The following PLOD1 variants were observed in gnomAD, a reference collection of about 807,000 sequenced individuals.
PLOD1 encodes lysine hydroxylase.
In PLOD1, 70 loss-of-function variants were observed where a neutral mutation model predicts 94.7. The observed-to-expected ratio is 0.74, with a 90% CI of 0.61 to 0.90. The LOEUF is 0.90. Among genes scored for constraint, PLOD1 ranks in the 40% least tolerant of loss-of-function variants. The pLI is 0.00. For synonymous variants in PLOD1, 417 were observed against 400.2 expected (o/e 1.04, Z -0.50); for missense variants, 905 against 972.7 (o/e 0.93, Z 0.93).
In PLOD1 at chr1:11,966,293, C is replaced by T; in HGVS notation, c.1627C>T (p.Leu543=). ...CATCCACCAGAACTACACCAAAGCC[C>T]TGGCAGGGAAGCTGGTGGAGACGGT... ...KYIHQNYTKA[L]AGKLVETPCP... is the part of the protein sequence containing the mutation. The change falls in exon 15 of 19, where the codon CTG becomes TTG. Residue 543 remains leucine (L), a synonymous_variant. Coordinates refer to ENST00000196061, the MANE Select transcript of PLOD1 (RefSeq NM_000302.4). 1 of 1,608,098 alleles carries T rather than the reference C, an allele frequency of 6.2e-7. No homozygotes were observed. The highest frequency in any genetic ancestry group is 8.5e-7 in the Non-Finnish European group (1 of 1,177,328).
At chr1:11,942,942 T>TGGCCC in intron 1 of PLOD1, among the ~76,000 whole-genome samples, 1 of 152,274 alleles carries the variant, frequency 6.6e-6, no homozygotes, top group Middle Eastern at 3.4e-3. Flanking sequence ...AGGCTCTGCG[T>TGGCCC]GGCCCAAGGA....
intron 4 of PLOD1, among the ~76,000 whole-genome samples, chr1:11,950,986 G>T (rs995596212): frequency 4.6e-5 from 7 of 152,048 alleles, no homozygotes; most frequent in African/African-American, 1.7e-4. Flanking sequence ...TAGAGATGGG[G>T]TATCGCCATG....
At position 11,969,921 on chromosome 1, in the gene PLOD1, AC is replaced by A. The variant is rs568398683; in HGVS notation, c.1756-748del. Reference sequence around the variant, plus strand: ...CAGGGGTTTAAGACCAGCCTGGGCAACATAGTGAGACCTCATCTCTACAAAG... The same window carrying A: ...CAGGGGTTTAAGACCAGCCTGGGCAAATAGTGAGACCTCATCTCTACAAAG... On this transcript the variant is annotated intron_variant, in intron 16 of 18. Transcript: ENST00000196061. 3.0e-3 allele frequency among the ~76,000 whole-genome samples: 453 copies of A among 151,870 alleles called. 3 individuals carry two copies. The highest frequency in any genetic ancestry group is 0.011 in the African/African-American group (435 of 41,396).
chr1:11,967,240 T>C (rs929609805), intron 16 of PLOD1, 149 bp downstream of exon 16: 18 of 655,144 alleles, frequency 2.7e-5, no homozygotes, highest in South Asian at 2.4e-4. Flanking sequence ...TGCAGGCAGG[T>C]AGGAGTAGAG....
At chr1:11,950,647 A>C in intron 4 of PLOD1, 127 bp downstream of exon 4, 1 of 787,370 alleles carries the variant, frequency 1.3e-6, no homozygotes, top group South Asian at 1.7e-5. Context: ...TGTCCTGAAT[A>C]GAGCTCCTGA....
chr1:11,957,594 C>T lies in PLOD1; in HGVS notation c.742-248C>T, dbSNP rs922827195. 5.3e-5 allele frequency among the ~76,000 whole-genome samples: 8 copies of T among 152,272 alleles called. No individual in the cohort carries two copies. Among genetic ancestry groups the T allele is most frequent in the East Asian group, 1.9e-4 (1 of 5,182 alleles). ...GATCTGTTCAGATGGAATCTCTGAG[C>T]GGGGTGGGACCCAGGAATCTGCATT... On this transcript the variant is annotated intron_variant, in intron 7 of 18. Transcript: ENST00000196061. This position sits in a 1 kb window ranked among gnomAD's most constrained non-coding sequence, Gnocchi z 4.1.
rs766727378 is a variant in PLOD1 at position 11,975,178 on chromosome 1, T to C, written c.*370T>C. 2.9e-6 allele frequency: 1 copy of C among 341,036 alleles called. No homozygotes were observed. The highest frequency in any genetic ancestry group is 2.1e-5 in the African/African-American group (1 of 47,164). 21.1% of individuals were successfully genotyped at this position (341,036 alleles called of 1,614,324 possible). ...GCTTCCCCAAGTTGCCCAGAAAGACTGTCTGGGTGAGAAGCCATGGCCAGA... is the reference window on the plus strand; with the variant it reads ...GCTTCCCCAAGTTGCCCAGAAAGACCGTCTGGGTGAGAAGCCATGGCCAGA... On this transcript the variant is annotated 3_prime_UTR_variant, in exon 19 of 19. Coordinates refer to ENST00000196061, the MANE Select transcript of PLOD1 (RefSeq NM_000302.4).
At chr1:11,942,917 C>T (rs1645624503) in intron 1 of PLOD1, among the ~76,000 whole-genome samples, 1 of 152,166 alleles carries the variant, frequency 6.6e-6, no homozygotes, top group Non-Finnish European at 1.5e-5. Context: ...ACGTGGGATC[C>T]TCAACCAGAG....
At position 11,958,820 on chromosome 1, in the gene PLOD1, G is replaced by T. The variant is rs1645758222; in HGVS notation, c.975+173G>T. Among the ~76,000 whole-genome samples the T allele has an allele frequency of 6.6e-6, 1 of 152,154 alleles. No individual in the cohort carries two copies. The highest frequency in any genetic ancestry group is 6.5e-5 in the Admixed American group (1 of 15,274). ...TGAGTTAACTTTGGAGTCAGACTGG[G>T]TGAGTTTGAATCCCAGCGCCGCTAT... On this transcript the variant is annotated intron_variant, in intron 9 of 18. Coordinates refer to ENST00000196061, the MANE Select transcript of PLOD1 (RefSeq NM_000302.4). The surrounding 1 kb of genome is among the most constrained non-coding windows in gnomAD (Gnocchi z 4.3).
intron 1 of PLOD1, among the ~76,000 whole-genome samples, chr1:11,941,823 T>C (rs58866452): frequency 0.025 from 3,876 of 152,036 alleles, 156 homozygotes; most frequent in African/African-American, 0.088. Context: ...TAACTTGCAG[T>C]ATGTAATATG....
At chr1:11,954,356 C>G (rs1161048846) in intron 5 of PLOD1, 2 of 297,912 alleles carry the variant, frequency 6.7e-6, no homozygotes, top group African/African-American at 4.6e-5. Flanking sequence ...TATGGTGGCA[C>G]ATGCCCGTAG....
rs201557415 is a variant in PLOD1, at chr1:11,972,841, C to T, written c.1903-31C>T. 295 of 1,613,478 alleles carry T rather than the reference C, an allele frequency of 1.8e-4. No individual in the cohort carries two copies. The highest frequency in any genetic ancestry group is 2.2e-4 in the Non-Finnish European group (259 of 1,179,520). ...GCCTTTGTGTCCTCCTTAACTAACA[C>T]GGGCTCTCTTGTCCCCCTGCCTTGG... On this transcript the variant is annotated intron_variant, in intron 17 of 18. Coordinates refer to ENST00000196061, the MANE Select transcript of PLOD1 (RefSeq NM_000302.4). This position sits in a 1 kb window ranked among gnomAD's most constrained non-coding sequence, Gnocchi z 4.6.
At chr1:11,954,130 T>A (rs1235126327) in intron 5 of PLOD1, among the ~76,000 whole-genome samples, 13 of 149,852 alleles carry the variant, frequency 8.7e-5, no homozygotes, top group Admixed American at 8.6e-4. Flanking sequence ...CCTCCCAAAG[T>A]GCTGGAATGA....
chr1:11,964,004 C>G (rs1273971322), intron 11 of PLOD1, among the ~76,000 whole-genome samples, 171 bp from the exon 12 acceptor site: 1 of 152,136 alleles, frequency 6.6e-6, no homozygotes, highest in Non-Finnish European at 1.5e-5. Context: ...GAGCAGGTAC[C>G]AGAAGAGCCA....
chr1:11,934,787 C>G lies in PLOD1; in HGVS notation c.8C>G (p.Pro3Arg). Residue 3 changes from proline to arginine, a missense_variant, in exon 1 of 19, where the codon CCC becomes CGC. Pro to Arg is a moderately radical substitution (Grantham distance 103). Coordinates refer to ENST00000196061, the MANE Select transcript of PLOD1 (RefSeq NM_000302.4). ...GTCCCCCATACCTCGGCCATGCGGC[C>G]CCTGCTGCTACTGGCCCTGCTGGGC... MR[P>R]LLLLALLGWL... 6 of 1,539,242 alleles carry G rather than the reference C, an allele frequency of 3.9e-6. No individual in the cohort carries two copies. The highest frequency in any genetic ancestry group is 5.2e-6 in the Non-Finnish European group (6 of 1,145,772).
At chr1:11,939,157 C>A (rs1394182324) in intron 1 of PLOD1, among the ~76,000 whole-genome samples, 1 of 152,128 alleles carries the variant, frequency 6.6e-6, no homozygotes, top group Non-Finnish European at 1.5e-5. Flanking sequence ...TCAGGTCATG[C>A]TGTTCCCTAC....
intron 1 of PLOD1, among the ~76,000 whole-genome samples, chr1:11,942,171 C>T (rs545517709): frequency 1.1e-4 from 16 of 152,006 alleles, no homozygotes; most frequent in South Asian, 4.1e-4. Flanking sequence ...TTAGTAGAGA[C>T]GGGGTTTCAC....
chr1:11,949,081 C>A (rs1645677696), intron 2 of PLOD1, among the ~76,000 whole-genome samples: 1 of 152,144 alleles, frequency 6.6e-6, no homozygotes, highest in Non-Finnish European at 1.5e-5. Flanking sequence ...TCTCTAGGCC[C>A]TGTTTGTTTT....
intron 10 of PLOD1, among the ~76,000 whole-genome samples, chr1:11,961,702 T>C (rs550386298): frequency 1.3e-5 from 2 of 152,206 alleles, no homozygotes; most frequent in African/African-American, 4.8e-5. Flanking sequence ...CTCAAACCCC[T>C]GGGTTCAAGT....
Sources: allele counts gnomAD v4.1 joint callset (sites outside exome capture counted in the v4.1 genomes callset), GRCh38; gene constraint gnomAD v4.1.1; non-coding constraint Gnocchi (gnomAD v3.1); transcripts MANE v1.5; gene names NCBI Gene and HGNC (gene_info 2026-07-23, HGNC 2026-07-21).